Variants in ACOT7 observed in about 807,000 individuals in gnomAD.
The protein encoded by ACOT7 is acyl-CoA thioesterase 7.
Under a neutral mutation model 40.2 loss-of-function variants are expected in ACOT7, and 12 were observed. That is an observed-to-expected ratio of 0.30 (90% CI 0.19 to 0.48). ACOT7 has a LOEUF of 0.48. ACOT7 is among the 20% of genes least tolerant of loss of function. The probability of loss-of-function intolerance (pLI) is 0.99; values close to 1 mark genes in which losing one functional copy is unlikely to be tolerated. For missense variants in ACOT7, 395 were observed against 530.8 expected, an observed-to-expected ratio of 0.74 and a Z score of 2.51; for synonymous variants, 228 against 219.5, an observed-to-expected ratio of 1.04 and a Z score of -0.34.
In ACOT7 at chr1:6,338,866, GC is replaced by G. The variant is rs1166024858; in HGVS notation, c.418+566del. 1.3e-5 allele frequency among the ~76,000 whole-genome samples: 2 copies of G among 152,122 alleles called. No homozygotes were observed. Among genetic ancestry groups the G allele is most frequent in the Admixed American group, 1.3e-4 (2 of 15,278 alleles). ...GCGTGAGCTGGTGAACACTGGAGCC[GC>G]CCCCTCCTGCAGCGCCCAGTGGGAA... is the stretch of plus-strand genomic sequence containing the variant. On this transcript the variant is annotated intron_variant, in intron 3 of 8. Coordinates refer to ENST00000361521, the MANE Select transcript of ACOT7 (RefSeq NM_007274.4). The surrounding 1 kb of genome is among the most constrained non-coding windows in gnomAD (Gnocchi z 4.4).
intron 7 of ACOT7, among the ~76,000 whole-genome samples, chr1:6,292,889 CTTTTTT>C (rs973103642): frequency 1.6e-5 from 2 of 125,102 alleles, no homozygotes; most frequent in African/African-American, 6.2e-5. Context: ...ATTTCTTTTT[CTTTTTT>C]TTTTTTTTTT....
At chr1:6,372,840 G>A (rs753759571) in intron 1 of ACOT7, among the ~76,000 whole-genome samples, 10 of 152,102 alleles carry the variant, frequency 6.6e-5, no homozygotes, top group Non-Finnish European at 1.5e-4. Flanking sequence ...ATGTGCCACC[G>A]TGCCTGGCCT....
At chr1:6,390,831 G>T (rs1642520950) in intron 1 of ACOT7, among the ~76,000 whole-genome samples, 1 of 151,902 alleles carries the variant, frequency 6.6e-6, no homozygotes. Context: ...AGCAACTCAG[G>T]AGGCTGAGGT....
chr1:6,304,918 C>A (rs1272953885), intron 6 of ACOT7, among the ~76,000 whole-genome samples: 4 of 144,270 alleles, frequency 2.8e-5, no homozygotes, highest in Non-Finnish European at 6.0e-5. Context: ...GGTACACCTC[C>A]CAGACAGGGT....
At chr1:6,368,343 G>C (rs541340591) in intron 1 of ACOT7, among the ~76,000 whole-genome samples, 1 of 152,292 alleles carries the variant, frequency 6.6e-6, no homozygotes, top group Admixed American at 6.5e-5. Flanking sequence ...CAGCAGGGTG[G>C]GTGCGGTGGC....
intron 1 of ACOT7, among the ~76,000 whole-genome samples, chr1:6,350,582 C>G (rs375208727): frequency 6.6e-6 from 1 of 152,270 alleles, no homozygotes; most frequent in East Asian, 1.9e-4. Context: ...GCCAGCTTGG[C>G]AGTCCTGCCA....
rs189964036 is a variant in ACOT7, at chr1:6,376,486, T to C, written c.143+16771A>G. ...GCTCATGCATGTAATCCCAGCACTT[T>C]GGGAGGCTGAGGCGGGTGGATCACG... On this transcript the variant is annotated intron_variant, in intron 1 of 8. Coordinates refer to ENST00000361521, the MANE Select transcript of ACOT7 (RefSeq NM_007274.4). Among the ~76,000 whole-genome samples, 313 of 151,594 alleles carry C rather than the reference T, an allele frequency of 2.1e-3. 2 individuals carry two copies. The highest frequency in any genetic ancestry group is 7.1e-3 in the African/African-American group (293 of 41,284).
chr1:6,267,351 G>A (rs987463936), intron 8 of ACOT7, among the ~76,000 whole-genome samples: 1 of 152,344 alleles, frequency 6.6e-6, no homozygotes, highest in African/African-American at 2.4e-5. Flanking sequence ...CGGAGCCAAC[G>A]CCACCAGCTT....
rs573927985 is a variant in ACOT7 at position 6,283,927 on chromosome 1, C to T, written c.830-2641G>A. 3.3e-5 allele frequency among the ~76,000 whole-genome samples: 5 copies of T among 152,192 alleles called. No individual in the cohort carries two copies. The East Asian group carries it at 9.7e-4, about 29-fold the overall frequency. ...GGAGCATCGTTTGAGCCCAGGAGGTCGAGGTTGCAGTCAGCTGAGATCGCA... is the reference window on the plus strand; with the variant it reads ...GGAGCATCGTTTGAGCCCAGGAGGTTGAGGTTGCAGTCAGCTGAGATCGCA... On this transcript the variant is annotated intron_variant, in intron 7 of 8. Coordinates refer to ENST00000361521, the MANE Select transcript of ACOT7 (RefSeq NM_007274.4).
At chr1:6,302,593 GA>G (rs1022181511) in intron 6 of ACOT7, among the ~76,000 whole-genome samples, 6 of 151,970 alleles carry the variant, frequency 3.9e-5, no homozygotes, top group African/African-American at 1.5e-4. Context: ...GAAAAACATA[GA>G]AAAACCATGG....
chr1:6,283,682 T>C (rs1434064924), intron 7 of ACOT7, among the ~76,000 whole-genome samples: 1 of 152,264 alleles, frequency 6.6e-6, no homozygotes, highest in African/African-American at 2.4e-5. Flanking sequence ...GAGCCTCTTG[T>C]GGTCCATAAT....
intron 1 of ACOT7, among the ~76,000 whole-genome samples, chr1:6,392,907 C>G (rs1642556758): frequency 6.6e-6 from 1 of 152,114 alleles, no homozygotes; most frequent in African/African-American, 2.4e-5. Flanking sequence ...AGGCCCGAGG[C>G]GGGGCGGCCC....
At chr1:6,276,687 C>G (rs1639201591) in intron 8 of ACOT7, among the ~76,000 whole-genome samples, 2 of 152,016 alleles carry the variant, frequency 1.3e-5, no homozygotes. Flanking sequence ...CACACACGTG[C>G]TCCCAGCCCA....
At chr1:6,268,541 T>A (rs1638920736) in intron 8 of ACOT7, among the ~76,000 whole-genome samples, 2 of 152,164 alleles carry the variant, frequency 1.3e-5, no homozygotes, top group South Asian at 2.1e-4. Context: ...CGGGCAGAGC[T>A]GAGGGAGCCG....
intron 2 of ACOT7, 107 bp from the exon 3 acceptor site, chr1:6,339,696 C>A: frequency 7.2e-7 from 1 of 1,379,868 alleles, no homozygotes; most frequent in Non-Finnish European, 9.7e-7. Flanking sequence ...TTTCATTCCC[C>A]ACTGTGAAAG....
intron 3 of ACOT7, among the ~76,000 whole-genome samples, chr1:6,336,065 G>A (rs551982971): frequency 5.9e-5 from 9 of 152,138 alleles, no homozygotes; most frequent in Non-Finnish European, 8.8e-5. Context: ...ATTATCTCTC[G>A]GCCAGCTGCG....
At chr1:6,360,747 T>C in intron 1 of ACOT7, 2 of 1,587,254 alleles carry the variant, frequency 1.3e-6, no homozygotes, top group Non-Finnish European at 1.7e-6. Context: ...CCCTTTGGAC[T>C]TGGCCTCATC....
intron 2 of ACOT7, among the ~76,000 whole-genome samples, chr1:6,341,577 C>A (rs1344129101): frequency 8.5e-5 from 13 of 152,240 alleles, no homozygotes; most frequent in African/African-American, 3.1e-4. Context: ...CCCGTCTCTA[C>A]TAAAAATACA....
At chr1:6,328,306 C>T (rs1026707271) in intron 4 of ACOT7, among the ~76,000 whole-genome samples, 11 of 152,132 alleles carry the variant, frequency 7.2e-5, no homozygotes, top group Non-Finnish European at 1.6e-4. Context: ...TGTCCTCCCA[C>T]GGCTCTCCAA....
Sources: allele counts gnomAD v4.1 joint callset (sites outside exome capture counted in the v4.1 genomes callset), GRCh38; gene constraint gnomAD v4.1.1; non-coding constraint Gnocchi (gnomAD v3.1); transcripts MANE v1.5; gene names NCBI Gene and HGNC (gene_info 2026-07-23, HGNC 2026-07-21).